Variants in WDPCP observed in about 807,000 individuals in gnomAD.
WDPCP encodes the protein WD repeat containing planar cell polarity effector, also known as WD repeat-containing and planar cell polarity effector protein fritz homolog.
A neutral mutation model predicts 93.1 loss-of-function variants in WDPCP; 71 were observed. That is an observed-to-expected ratio of 0.76 (90% CI 0.63 to 0.93). WDPCP has a LOEUF of 0.93. Ranked by LOEUF, WDPCP falls within the 40% of genes least tolerant of loss-of-function variation. The pLI, the probability that WDPCP is intolerant of heterozygous loss-of-function variation, is 0.00. For synonymous variants in WDPCP, 315 were observed against 315.0 expected (o/e 1.00, Z 0.00); for missense variants, 844 against 887.4 (o/e 0.95, Z 0.62).
intron 12 of WDPCP, among the ~76,000 whole-genome samples, chr2:63,344,746 G>GA (rs1318832539): frequency 1.3e-5 from 2 of 152,096 alleles, no homozygotes; most frequent in African/African-American, 4.8e-5. Context: ...TGAGGGATGT[G>GA]AAAAAACCGA....
At chr2:63,729,159 T>C (rs1183355707) in intron 2 of WDPCP, among the ~76,000 whole-genome samples, 1 of 152,136 alleles carries the variant, frequency 6.6e-6, no homozygotes, top group Non-Finnish European at 1.5e-5. Context: ...CATCAAACAC[T>C]GACTTGGAGA....
chr2:63,315,385 C>G (rs1686557089), intron 12 of WDPCP, among the ~76,000 whole-genome samples: 1 of 149,870 alleles, frequency 6.7e-6, no homozygotes, highest in South Asian at 2.1e-4. Context: ...AGTAGTGCCC[C>G]TAACTTTCAC....
At chr2:63,586,737 G>A (rs932181306) in intron 1 of WDPCP, among the ~76,000 whole-genome samples, 5 of 152,218 alleles carry the variant, frequency 3.3e-5, no homozygotes, top group Non-Finnish European at 5.9e-5. Flanking sequence ...ATCTGGACTG[G>A]ATGGGAATAC....
At chr2:63,563,340 G>C (rs1415984266) in intron 1 of WDPCP, among the ~76,000 whole-genome samples, 1 of 151,626 alleles carries the variant, frequency 6.6e-6, no homozygotes, top group Non-Finnish European at 1.5e-5. Context: ...TTGAAAAATA[G>C]CATCATTTAA....
chr2:63,547,694 C>T (rs1705254100), intron 1 of WDPCP, among the ~76,000 whole-genome samples: 1 of 144,452 alleles, frequency 6.9e-6, no homozygotes, highest in Non-Finnish European at 1.5e-5. Flanking sequence ...GTAAGCCAAG[C>T]AGAGAAAGAC....
intron 2 of WDPCP, among the ~76,000 whole-genome samples, chr2:63,654,056 A>C (rs978749004): frequency 6.6e-6 from 1 of 152,200 alleles, no homozygotes; most frequent in Non-Finnish European, 1.5e-5. Context: ...TATCAGAAAT[A>C]ATATAAATAA....
chr2:63,354,714 ATGTGTG>A (rs150962868), intron 12 of WDPCP, among the ~76,000 whole-genome samples: 3 of 149,848 alleles, frequency 2.0e-5, no homozygotes, highest in East Asian at 2.0e-4. Context: ...GTATATATGT[ATGTGTG>A]TGTGTGTGTG....
intron 12 of WDPCP, among the ~76,000 whole-genome samples, chr2:63,370,865 A>C (rs1045676048): frequency 6.6e-6 from 1 of 151,784 alleles, no homozygotes; most frequent in Non-Finnish European, 1.5e-5. Flanking sequence ...TAGCTTTATT[A>C]ATCCTATTTT....
chr2:63,176,290 G>C (rs1395882873), intron 14 of WDPCP, among the ~76,000 whole-genome samples: 2 of 152,054 alleles, frequency 1.3e-5, no homozygotes, highest in Admixed American at 6.5e-5. Flanking sequence ...CTGTTGCCCA[G>C]GCTGGAGTGC....
intron 6 of WDPCP, among the ~76,000 whole-genome samples, chr2:63,456,857 C>T (rs1249354509): frequency 6.6e-6 from 1 of 151,978 alleles, no homozygotes; most frequent in African/African-American, 2.4e-5. Flanking sequence ...ACTACAAATA[C>T]AAAAACTTGC....
chr2:63,540,695 T>A (rs938426615), intron 1 of WDPCP, among the ~76,000 whole-genome samples: 1 of 152,196 alleles, frequency 6.6e-6, no homozygotes, highest in Admixed American at 6.5e-5. Flanking sequence ...ATTAAAACGA[T>A]TAAATTCTAT....
intron 2 of WDPCP, among the ~76,000 whole-genome samples, chr2:63,784,254 C>A (rs1575772311): frequency 6.6e-6 from 1 of 151,982 alleles, no homozygotes; most frequent in East Asian, 1.9e-4. Flanking sequence ...TCAAGAAGGT[C>A]CCAGGAAAGG....
At chr2:63,606,901 G>T in intron 3 of WDPCP, 1 of 1,611,904 alleles carries the variant, frequency 6.2e-7, no homozygotes, top group South Asian at 1.1e-5. Context: ...CCCTATTAAT[G>T]ATTTCTCACG....
At chr2:63,599,669 G>T (rs1367228095) in intron 3 of WDPCP, 1 of 152,894 alleles carries the variant, frequency 6.5e-6, no homozygotes, top group East Asian at 1.9e-4. Context: ...TGAGCTTTGT[G>T]TGATTGTGTG....
intron 14 of WDPCP, among the ~76,000 whole-genome samples, chr2:63,235,461 A>T (rs956291105): frequency 1.6e-4 from 24 of 152,210 alleles, no homozygotes; most frequent in Non-Finnish European, 5.9e-5. Flanking sequence ...CTATTCCAGA[A>T]ATTAAGTAGA....
chr2:63,757,336 A>G (rs1401339600), intron 2 of WDPCP, among the ~76,000 whole-genome samples: 2 of 152,152 alleles, frequency 1.3e-5, no homozygotes, highest in Non-Finnish European at 2.9e-5. Context: ...TGTGTTTTCC[A>G]TTTTCCCCAA....
intron 13 of WDPCP, among the ~76,000 whole-genome samples, chr2:63,308,977 G>T (rs1287467951): frequency 1.3e-5 from 2 of 152,068 alleles, no homozygotes; most frequent in Non-Finnish European, 2.9e-5. Flanking sequence ...AACATGGATG[G>T]AGTTTGAGAA....
At chr2:63,455,964 C>T (rs1162623602) in intron 6 of WDPCP, among the ~76,000 whole-genome samples, 1 of 152,122 alleles carries the variant, frequency 6.6e-6, no homozygotes, top group Non-Finnish European at 1.5e-5. Flanking sequence ...AAATGGAAAT[C>T]ATATCACATA....
intron 2 of WDPCP, among the ~76,000 whole-genome samples, chr2:63,686,425 T>C (rs989555273): frequency 1.3e-5 from 2 of 152,170 alleles, no homozygotes; most frequent in African/African-American, 4.8e-5. Flanking sequence ...AAAACACTGA[T>C]TCTAGATATT....
Sources: gnomAD v4.1 joint callset for allele counts (sites outside exome capture counted in the v4.1 genomes callset) on GRCh38, gnomAD v4.1.1 for gene constraint, MANE v1.5 for transcripts, NCBI Gene and HGNC (gene_info 2026-07-23, HGNC 2026-07-21) for gene names.